Variants in ANK3 observed in about 807,000 individuals in gnomAD.
ANK3 encodes the protein ankyrin-3.
In ANK3, 57 loss-of-function variants were observed where a neutral mutation model predicts 370.9. The observed-to-expected ratio is 0.15, with a 90% CI of 0.12 to 0.19. The LOEUF (loss-of-function observed/expected upper bound fraction) is 0.19. ANK3 is among the 10% of genes least tolerant of loss of function. ANK3 has a pLI of 1.00. For synonymous variants in ANK3, 1,929 were observed against 1,946.3 expected (o/e 0.99, Z 0.23); for missense variants, 4,439 against 5,302.1 (o/e 0.84, Z 5.06).
intron 2 of ANK3, among the ~76,000 whole-genome samples, chr10:60,550,217 G>T (rs960696754): frequency 6.6e-6 from 1 of 151,314 alleles, no homozygotes; most frequent in Admixed American, 6.6e-5. Flanking sequence ...TTAATATATT[G>T]CATATTTATG....
At chr10:60,429,365 G>C (rs2063962815) in intron 2 of ANK3, among the ~76,000 whole-genome samples, 1 of 152,054 alleles carries the variant, frequency 6.6e-6, no homozygotes, top group South Asian at 2.1e-4. Flanking sequence ...ATGTGGAATA[G>C]GAAAGAAAGG....
At chr10:60,287,846 T>C (rs756312079) in intron 1 of ANK3, among the ~76,000 whole-genome samples, 11 of 152,044 alleles carry the variant, frequency 7.2e-5, no homozygotes, top group Non-Finnish European at 1.2e-4. Flanking sequence ...CTGAGCAGAG[T>C]TGTGTGTGCC....
At chr10:60,141,358 G>A (rs1046947603) in intron 23 of ANK3, among the ~76,000 whole-genome samples, 8 of 152,044 alleles carry the variant, frequency 5.3e-5, no homozygotes, top group Non-Finnish European at 1.5e-5. Flanking sequence ...GGAGAACTGG[G>A]GTTGGCTGGA....
intron 8 of ANK3, among the ~76,000 whole-genome samples, chr10:60,226,578 A>ATTATACTATAATACTATATAT (rs2097165427): frequency 1.2e-5 from 1 of 83,232 alleles, no homozygotes; most frequent in Non-Finnish European, 2.1e-5. Flanking sequence ...GTATATGTAT[A>ATTATACTATAATACTATATAT]TATACTATGT....
rs1439054262 is a variant in ANK3 at position 60,028,120 on chromosome 10, T to G, written c.*1726A>C. On this transcript the variant is annotated 3_prime_UTR_variant, in exon 44 of 44. Transcript: ENST00000280772. Reference sequence around the variant, plus strand: ...AGAAGTGCCAGTCAACTTTTTGACATGCTGGCTATAGTATCTCCAATTCTT... The same window carrying G: ...AGAAGTGCCAGTCAACTTTTTGACAGGCTGGCTATAGTATCTCCAATTCTT... 3 of 152,206 alleles carry G rather than the reference T, an allele frequency of 2.0e-5. No individual in the cohort carries two copies. The highest frequency in any genetic ancestry group is 4.4e-5 in the Non-Finnish European group (3 of 68,038). The allele number at this position is 152,206 out of a possible 1,614,324, so 9.4% of individuals were successfully genotyped here.
At chr10:60,253,446 T>A (rs2097695375) in intron 7 of ANK3, among the ~76,000 whole-genome samples, 1 of 152,214 alleles carries the variant, frequency 6.6e-6, no homozygotes, top group South Asian at 2.1e-4. Flanking sequence ...TGTCAATGAA[T>A]TCAAGTATAT....
chr10:60,684,501 G>A, intron 1 of ANK3: 1 of 1,457,736 alleles, frequency 6.9e-7, no homozygotes, highest in South Asian at 1.3e-5. Flanking sequence ...ATTTGCAGCT[G>A]GAAATGGGGA....
In ANK3 at chr10:60,067,926, T is replaced by G. The variant is rs1361425514; in HGVS notation, c.12319+9A>C. 1 of 1,600,268 alleles carries G rather than the reference T, an allele frequency of 6.2e-7. No homozygotes were observed. The highest frequency in any genetic ancestry group is 8.5e-7 in the Non-Finnish European group (1 of 1,169,814). On this transcript the variant is annotated intron_variant, in intron 38 of 43. Transcript: ENST00000280772. The stretch of plus-strand genomic sequence containing the variant: ...CTAATTTGTTCCATTCAGGAGTGTA[T>G]GCACTTACCTGTCCAACTAAGTCCC...
intron 2 of ANK3, among the ~76,000 whole-genome samples, chr10:60,491,381 TTAAA>T (rs2133121186): frequency 6.6e-6 from 1 of 152,330 alleles, no homozygotes; most frequent in Non-Finnish European, 1.5e-5. Flanking sequence ...AACCTCTTTC[TTAAA>T]TGAACTAGAT....
chr10:60,662,969 A>C (rs1033907229), intron 1 of ANK3, among the ~76,000 whole-genome samples: 6 of 152,250 alleles, frequency 3.9e-5, no homozygotes, highest in African/African-American at 1.4e-4. Flanking sequence ...TAAGCCTTAC[A>C]TAAAGTCCTT....
intron 1 of ANK3, among the ~76,000 whole-genome samples, chr10:60,727,611 A>C (rs867066985): frequency 6.6e-6 from 1 of 152,196 alleles, no homozygotes; most frequent in African/African-American, 2.4e-5. Flanking sequence ...ACACATACAC[A>C]AGCAAAACAA....
At chr10:60,660,615 C>T (rs1272791035) in intron 1 of ANK3, among the ~76,000 whole-genome samples, 3 of 151,918 alleles carry the variant, frequency 2.0e-5, no homozygotes, top group Non-Finnish European at 4.4e-5. Context: ...CTGGGTTGTG[C>T]TGGGTTCCTC....
chr10:60,628,509 C>A (rs1214772478), intron 1 of ANK3, among the ~76,000 whole-genome samples: 2 of 152,186 alleles, frequency 1.3e-5, no homozygotes, highest in Non-Finnish European at 2.9e-5. Context: ...CCCTATGATT[C>A]TGTGCTTAGC....
intron 1 of ANK3, among the ~76,000 whole-genome samples, chr10:60,659,173 C>A (rs531689754): frequency 6.6e-6 from 1 of 152,220 alleles, no homozygotes; most frequent in Admixed American, 6.5e-5. Context: ...GCAAAGATTT[C>A]TTGGGACACA....
At chr10:60,124,971 A>T (rs1376861337) in intron 25 of ANK3, among the ~76,000 whole-genome samples, 1 of 152,214 alleles carries the variant, frequency 6.6e-6, no homozygotes, top group Non-Finnish European at 1.5e-5. Flanking sequence ...TATTATAATT[A>T]TTGTGACGTG....
At chr10:60,080,487 CT>C in intron 36 of ANK3, 49 bp downstream of exon 36, 1 of 1,522,168 alleles carries the variant, frequency 6.6e-7, no homozygotes, top group Non-Finnish European at 9.0e-7. Flanking sequence ...GAAAAAATGT[CT>C]CTTCTTATGA....
chr10:60,673,393 C>A (rs187675075), intron 1 of ANK3, among the ~76,000 whole-genome samples: 3 of 152,094 alleles, frequency 2.0e-5, no homozygotes, highest in Admixed American at 2.0e-4. Context: ...TCTTGCTGCC[C>A]AGGTTGGAGT....
intron 43 of ANK3, among the ~76,000 whole-genome samples, chr10:60,040,105 A>G (rs997608547): frequency 7.2e-5 from 11 of 152,234 alleles, no homozygotes; most frequent in African/African-American, 2.7e-4. Flanking sequence ...TATACTATGT[A>G]CAAATCTTGA....
intron 35 of ANK3, among the ~76,000 whole-genome samples, chr10:60,080,978 T>C (rs2085068254): frequency 6.6e-6 from 1 of 152,246 alleles, no homozygotes; most frequent in South Asian, 2.1e-4. Flanking sequence ...ACACAAAGTT[T>C]ATTATTCCAA....
Sources: gnomAD v4.1 joint callset for allele counts (sites outside exome capture counted in the v4.1 genomes callset) on GRCh38, gnomAD v4.1.1 for gene constraint, MANE v1.5 for transcripts, NCBI Gene and HGNC (gene_info 2026-07-23, HGNC 2026-07-21) for gene names.